The following PAK5 variants were observed in gnomAD, a reference collection of about 807,000 sequenced individuals.
PAK5 encodes the protein p21 (RAC1) activated kinase 5.
PAK5 carries 16 observed loss-of-function variants against 65.9 expected under a neutral mutation model. That is an observed-to-expected ratio of 0.24 (90% CI 0.16 to 0.37). The LOEUF is 0.37. Among genes scored for constraint, PAK5 ranks in the 10% least tolerant of loss-of-function variants. PAK5 has a pLI of 1.00. For synonymous variants in PAK5, 371 were observed against 354.9 expected, an observed-to-expected ratio of 1.05 and a Z score of -0.51; for missense variants, 785 against 903.9, an observed-to-expected ratio of 0.87 and a Z score of 1.69.
Position 9,677,893 on chromosome 20 carries a change from T to C in PAK5, c.-12+33393A>G, listed in dbSNP as rs2047596338. 2.0e-5 allele frequency among the ~76,000 whole-genome samples: 3 copies of C among 152,338 alleles called. No homozygotes were observed. The South Asian group carries it at 6.2e-4, about 32-fold the overall frequency. ...TAGGTATTAGGCCTACTGTTAGGTCTTGTTATTTAATGTGTTAATAAAGAA... is the reference window on the plus strand; with the variant it reads ...TAGGTATTAGGCCTACTGTTAGGTCCTGTTATTTAATGTGTTAATAAAGAA... On this transcript the variant is annotated intron_variant, in intron 2 of 9. Coordinates refer to ENST00000353224, the MANE Select transcript of PAK5 (RefSeq NM_177990.4).
intron 2 of PAK5, among the ~76,000 whole-genome samples, chr20:9,701,416 C>T (rs1019627734): frequency 6.6e-6 from 1 of 152,138 alleles, no homozygotes; most frequent in African/African-American, 2.4e-5. Context: ...AGAAACGTCA[C>T]TCAGGATCTA....
intron 1 of PAK5, among the ~76,000 whole-genome samples, chr20:9,751,386 C>T (rs182546198): frequency 6.3e-4 from 96 of 152,150 alleles, no homozygotes; most frequent in African/African-American, 1.9e-3. Flanking sequence ...GTCTTTGAAA[C>T]GACTGGTTTC....
chr20:9,629,196 C>T (rs2123219808), intron 3 of PAK5, among the ~76,000 whole-genome samples: 1 of 152,296 alleles, frequency 6.6e-6, no homozygotes, highest in East Asian at 1.9e-4. Flanking sequence ...GTCAGTGAAG[C>T]TGTGCCAGAC....
rs772027500 is a variant in PAK5 at position 9,539,425 on chromosome 20, T to C, written c.*37A>G. ...TTTGTTCTCCTGAATTATTCTCATGTCCTCATCTAGCTTTGCCACCTACAC... is the reference window on the plus strand; with the variant it reads ...TTTGTTCTCCTGAATTATTCTCATGCCCTCATCTAGCTTTGCCACCTACAC... On this transcript the variant is annotated 3_prime_UTR_variant, in exon 10 of 10. Coordinates refer to ENST00000353224, the MANE Select transcript of PAK5 (RefSeq NM_177990.4). 6.3e-7 allele frequency: 1 copy of C among 1,598,340 alleles called. No individual in the cohort carries two copies.
At chr20:9,698,145 T>C (rs2047893581) in intron 2 of PAK5, among the ~76,000 whole-genome samples, 1 of 152,142 alleles carries the variant, frequency 6.6e-6, no homozygotes, top group African/African-American at 2.4e-5. Flanking sequence ...AATATAATGC[T>C]TAGAAACCTT....
chr20:9,791,729 A>G (rs1191329467), intron 1 of PAK5, among the ~76,000 whole-genome samples: 1 of 152,116 alleles, frequency 6.6e-6, no homozygotes, highest in Non-Finnish European at 1.5e-5. Flanking sequence ...GCTAAGGCCA[A>G]TGGGCTGGTG....
chr20:9,562,249 G>C lies in PAK5; in HGVS notation c.1616+642C>G, dbSNP rs535672412. On this transcript the variant is annotated intron_variant, in intron 6 of 9. Transcript: ENST00000353224. The stretch of plus-strand genomic sequence containing the variant: ...TGTATTTCTCATCAGTGATGTCCCT[G>C]AGGGGATATATCTGAGCCACATTCA... Among the ~76,000 whole-genome samples the C allele has an allele frequency of 1.6e-4, 24 of 152,272 alleles. No individual in the cohort carries two copies. The South Asian group carries it at 4.8e-3, about 30-fold the overall frequency.
chr20:9,706,456 C>A (rs896782659), intron 2 of PAK5, among the ~76,000 whole-genome samples: 3 of 148,632 alleles, frequency 2.0e-5, no homozygotes, highest in African/African-American at 7.4e-5. Flanking sequence ...GAAATAAATA[C>A]ACATTCTACA....
At chr20:9,557,001 T>A (rs2045517436) in intron 7 of PAK5, among the ~76,000 whole-genome samples, 1 of 152,134 alleles carries the variant, frequency 6.6e-6, no homozygotes, top group African/African-American at 2.4e-5. Flanking sequence ...CAGAGCACCC[T>A]CCAGGCAGCT....
At chr20:9,750,946 T>C (rs1045575034) in intron 1 of PAK5, among the ~76,000 whole-genome samples, 1 of 152,194 alleles carries the variant, frequency 6.6e-6, no homozygotes, top group African/African-American at 2.4e-5. Context: ...GTCTGTGCCC[T>C]AGCTACCAAG....
intron 2 of PAK5, among the ~76,000 whole-genome samples, chr20:9,661,326 C>T (rs562218307): frequency 3.9e-5 from 6 of 152,192 alleles, no homozygotes; most frequent in Non-Finnish European, 8.8e-5. Flanking sequence ...CTCTGGCCTC[C>T]CTCCCTCCAC....
At chr20:9,573,970 G>A (rs1184103759) in intron 4 of PAK5, among the ~76,000 whole-genome samples, 1 of 152,174 alleles carries the variant, frequency 6.6e-6, no homozygotes, top group African/African-American at 2.4e-5. Flanking sequence ...TAAATCAAAT[G>A]CAAGATAAAA....
At position 9,670,649 on chromosome 20, in the gene PAK5, G is replaced by A. The variant is rs530445549; in HGVS notation, c.-11-26310C>T. Among the ~76,000 whole-genome samples the A allele has an allele frequency of 1.5e-4, 23 of 152,218 alleles. No homozygotes were observed. In the Middle Eastern group the frequency reaches 0.01, roughly 68 times the overall value. Reference sequence around the variant, plus strand: ...GATTTTCTCTTGTAAATTTGTTTGCGTTCATTGTAGATTCTGGATATTAGC... The same window carrying A: ...GATTTTCTCTTGTAAATTTGTTTGCATTCATTGTAGATTCTGGATATTAGC... On this transcript the variant is annotated intron_variant, in intron 2 of 9. Coordinates refer to ENST00000353224, the MANE Select transcript of PAK5 (RefSeq NM_177990.4).
intron 1 of PAK5, among the ~76,000 whole-genome samples, chr20:9,832,963 T>G (rs1436911286): frequency 6.6e-6 from 1 of 152,252 alleles, no homozygotes; most frequent in Non-Finnish European, 1.5e-5. Context: ...CTGTTTAAAA[T>G]GCATGCATTG....
chr20:9,795,922 A>G (rs1195075895), intron 1 of PAK5, among the ~76,000 whole-genome samples: 3 of 152,112 alleles, frequency 2.0e-5, no homozygotes, highest in African/African-American at 4.8e-5. Flanking sequence ...TTTCCACTTA[A>G]TATTTATTAA....
intron 7 of PAK5, among the ~76,000 whole-genome samples, chr20:9,557,359 A>AGTTT (rs544187454): frequency 8.2e-4 from 125 of 152,302 alleles, no homozygotes; most frequent in African/African-American, 2.9e-3. Flanking sequence ...AAATAGCCAT[A>AGTTT]GTTTCTATTA....
chr20:9,571,411 G>C (rs533119841), intron 4 of PAK5, among the ~76,000 whole-genome samples: 3 of 152,308 alleles, frequency 2.0e-5, no homozygotes, highest in Admixed American at 1.3e-4. Flanking sequence ...ATAAAATAGA[G>C]GCACAAGGAG....
chr20:9,806,778 A>G (rs2049237789), intron 1 of PAK5, among the ~76,000 whole-genome samples: 2 of 152,174 alleles, frequency 1.3e-5, no homozygotes, highest in Non-Finnish European at 2.9e-5. Flanking sequence ...TATTATATTA[A>G]TTTCCTATCG....
At chr20:9,688,831 T>C (rs1020505366) in intron 2 of PAK5, among the ~76,000 whole-genome samples, 1 of 152,168 alleles carries the variant, frequency 6.6e-6, no homozygotes, top group Non-Finnish European at 1.5e-5. Context: ...AAACGTGTGC[T>C]ATATAAATTC....
Sources: allele counts gnomAD v4.1 joint callset (sites outside exome capture counted in the v4.1 genomes callset), GRCh38; gene constraint gnomAD v4.1.1; transcripts MANE v1.5; gene names NCBI Gene and HGNC (gene_info 2026-07-23, HGNC 2026-07-21).